Variants in KLRG2 observed in about 807,000 individuals in gnomAD.
The protein encoded by KLRG2 is killer cell lectin like receptor G2, also known as killer cell lectin-like receptor subfamily G member 2.
In KLRG2, 39 loss-of-function variants were observed where a neutral mutation model predicts 35.4. The observed-to-expected ratio is 1.10, with a 90% CI of 0.85 to 1.44. The LOEUF (loss-of-function observed/expected upper bound fraction) is 1.44, where lower values mean the gene tolerates loss of function less well. Ranked by LOEUF, KLRG2 falls within the 40% of genes most tolerant of loss-of-function variation. The pLI is 0.00. For synonymous variants in KLRG2, 283 were observed against 265.8 expected (o/e 1.06, Z -0.63); for missense variants, 632 against 570.9 (o/e 1.11, Z -1.09).
rs572302534 is a variant in KLRG2, at chr7:139,453,750, G to A, written c.1110-43C>T. ...GGGAAAGAGGAGAGGTGTTTAGGGT[G>A]CCGGGGCCTTGCTTCCCAGCCAGAC... is the stretch of plus-strand genomic sequence containing the variant. On this transcript the variant is annotated intron_variant, in intron 4 of 4. Coordinates refer to ENST00000340940, the MANE Select transcript of KLRG2 (RefSeq NM_198508.4). The A allele has an allele frequency of 2.0e-5, 33 of 1,611,532 alleles. No individual in the cohort carries two copies. In the South Asian group the frequency reaches 3.4e-4, roughly 17 times the overall value.
the KLRG2 span, among the ~76,000 whole-genome samples, chr7:139,434,346 CCTT>C: frequency 6.6e-6 from 1 of 152,206 alleles, no homozygotes; most frequent in Admixed American, 6.5e-5. Context: ...TTCTCATTCT[CCTT>C]CTCTTACTCC....
intron 3 of KLRG2, among the ~76,000 whole-genome samples, chr7:139,462,899 T>C (rs1426695893): frequency 6.6e-6 from 1 of 152,128 alleles, no homozygotes; most frequent in Non-Finnish European, 1.5e-5. Context: ...TACAGACCCA[T>C]CTGACCTCTC....
intron 3 of KLRG2, among the ~76,000 whole-genome samples, chr7:139,460,094 C>G (rs1796543347): frequency 6.6e-6 from 1 of 152,146 alleles, no homozygotes; most frequent in African/African-American, 2.4e-5. Flanking sequence ...CCATGTTGGC[C>G]AGGCCGGTCT....
chr7:139,467,786 A>C (rs1377207431), intron 3 of KLRG2, among the ~76,000 whole-genome samples: 1 of 151,186 alleles, frequency 6.6e-6, no homozygotes, highest in Non-Finnish European at 1.5e-5. Context: ...GCCTCATGGG[A>C]AGGGAAAGAC....
In KLRG2 at chr7:139,453,563, G is replaced by C; in HGVS notation, c.*24C>G. 6.3e-7 allele frequency: 1 copy of C among 1,574,804 alleles called. No homozygotes were observed. The highest frequency in any genetic ancestry group is 8.6e-7 in the Non-Finnish European group (1 of 1,160,312). Reference sequence around the variant, plus strand: ...AGGGGGTGCTGCATCTGCCTGGCAGGCTGAGGACCAGGCAGAGCCCAGATC... The same window carrying C: ...AGGGGGTGCTGCATCTGCCTGGCAGCCTGAGGACCAGGCAGAGCCCAGATC... On this transcript the variant is annotated 3_prime_UTR_variant, in exon 5 of 5. Transcript: ENST00000340940.
At position 139,453,615 on chromosome 7, in the gene KLRG2, G is replaced by A; in HGVS notation, c.1202C>T (p.Pro401Leu). The change falls in exon 5 of 5, where the codon CCC becomes CTC. Residue 401 changes from proline to leucine, a missense_variant. Transcript: ENST00000340940. The part of the protein sequence containing the change: ...LVAANCSTPR[P>L]WVCAKGTQ Reference sequence around the variant, plus strand: ...CTGGGTCCCCTTGGCACAGACCCAGGGTCTTGGAGTGCTGCAGTTTGCAGC... The same window carrying A: ...CTGGGTCCCCTTGGCACAGACCCAGAGTCTTGGAGTGCTGCAGTTTGCAGC... The A allele has an allele frequency of 1.9e-6, 3 of 1,610,884 alleles. No homozygotes were observed. Among genetic ancestry groups the A allele is most frequent in the Non-Finnish European group, 1.7e-6 (2 of 1,178,740 alleles).
rs147939211 is a variant in KLRG2, at chr7:139,459,745, A to G, written c.1006-5531T>C. Among the ~76,000 whole-genome samples, 808 of 151,898 alleles carry G rather than the reference A, an allele frequency of 5.3e-3. 8 individuals are homozygous for G. The highest frequency in any genetic ancestry group is 0.018 in the African/African-American group (762 of 41,454). The stretch of plus-strand genomic sequence containing the variant: ...CAGTAATCTGTGCTCACTGAAAAAC[A>G]TCACCTCCAGATTTTTTTTTTTTGA... On this transcript the variant is annotated intron_variant, in intron 3 of 4. Transcript: ENST00000340940.
At chr7:139,449,981 G>A (rs557829065), downstream of KLRG2, among the ~76,000 whole-genome samples, 17 of 151,952 alleles carry the variant, frequency 1.1e-4, no homozygotes, top group East Asian at 1.4e-3. Context: ...GATTACAGGC[G>A]TGAGCCACTG....
At chr7:139,476,034 G>A (rs999002998) in intron 3 of KLRG2, among the ~76,000 whole-genome samples, 1 of 152,170 alleles carries the variant, frequency 6.6e-6, no homozygotes, top group Non-Finnish European at 1.5e-5. Flanking sequence ...GACAGTTTGA[G>A]TGTTTTTCCT....
the KLRG2 span, among the ~76,000 whole-genome samples, chr7:139,431,468 C>A: frequency 1.6e-4 from 24 of 151,524 alleles, no homozygotes; most frequent in African/African-American, 4.6e-4. Flanking sequence ...GGCAGGGTAG[C>A]TCAAAATGTG....
At chr7:139,442,252 G>A in the KLRG2 span, among the ~76,000 whole-genome samples, 2 of 152,298 alleles carry the variant, frequency 1.3e-5, no homozygotes, top group East Asian at 1.9e-4. Flanking sequence ...CTGCAAGTGA[G>A]GTTGGACAGA....
chr7:139,432,919 A>G, the KLRG2 span, among the ~76,000 whole-genome samples: 2 of 151,808 alleles, frequency 1.3e-5, no homozygotes, highest in Non-Finnish European at 2.9e-5. Flanking sequence ...CCAACACCCA[A>G]CTCCCACCCA....
chr7:139,427,356 C>A, the KLRG2 span, among the ~76,000 whole-genome samples: 2 of 152,156 alleles, frequency 1.3e-5, no homozygotes, highest in Non-Finnish European at 2.9e-5. Flanking sequence ...GGGATCAGAA[C>A]AAGCTAATGG....
the KLRG2 span, among the ~76,000 whole-genome samples, chr7:139,446,829 C>G: frequency 3.3e-5 from 5 of 152,148 alleles, no homozygotes; most frequent in African/African-American, 1.2e-4. Flanking sequence ...CTGCCTGCCT[C>G]CCTCTTATAA....
At chr7:139,478,133 C>T (rs1013638624) in intron 3 of KLRG2, among the ~76,000 whole-genome samples, 1 of 150,792 alleles carries the variant, frequency 6.6e-6, no homozygotes, top group Non-Finnish European at 1.5e-5. Context: ...CTTTGAGAGG[C>T]CGAAGTGGGA....
chr7:139,469,606 C>T (rs531308538), intron 3 of KLRG2, among the ~76,000 whole-genome samples: 4 of 151,188 alleles, frequency 2.6e-5, no homozygotes, highest in South Asian at 2.1e-4. Context: ...CACCATGTCC[C>T]GCTAATTTTG....
chr7:139,479,531 G>T, intron 3 of KLRG2, 96 bp downstream of exon 3: 1 of 1,256,976 alleles, frequency 8.0e-7, no homozygotes, highest in Non-Finnish European at 1.1e-6. Flanking sequence ...TTTCTATAAT[G>T]AAGAGCTGGA....
the KLRG2 span, among the ~76,000 whole-genome samples, chr7:139,444,278 A>G: frequency 2.6e-5 from 4 of 152,288 alleles, no homozygotes; most frequent in South Asian, 4.1e-4. Context: ...GCGTCCTTCA[A>G]TCCAATCAAG....
intron 1 of KLRG2, 21 bp downstream of exon 1, chr7:139,482,865 C>T: frequency 1.4e-6 from 2 of 1,381,590 alleles, no homozygotes; most frequent in Non-Finnish European, 1.9e-6. Context: ...GCGTCGGCTG[C>T]CGGCGCAGGT....
Sources: gnomAD v4.1 joint callset for allele counts (sites outside exome capture counted in the v4.1 genomes callset) on GRCh38, gnomAD v4.1.1 for gene constraint, MANE v1.5 for transcripts, NCBI Gene and HGNC (gene_info 2026-07-23, HGNC 2026-07-21) for gene names.